The following PTPRB variants were observed in gnomAD, a reference collection of about 807,000 sequenced individuals.
PTPRB encodes protein tyrosine phosphatase receptor type B.
PTPRB carries 97 observed loss-of-function variants against 238.1 expected under a neutral mutation model. The observed-to-expected ratio is 0.41, with a 90% confidence interval of 0.35 to 0.48. The LOEUF (loss-of-function observed/expected upper bound fraction) is 0.48. Among genes scored for constraint, PTPRB ranks in the 20% least tolerant of loss-of-function variants. PTPRB has a pLI of 0.30. For synonymous variants in PTPRB, 970 were observed against 995.4 expected (o/e 0.97, Z 0.48); for missense variants, 2,292 against 2,681.9 (o/e 0.85, Z 3.21).
At chr12:70,577,949 C>T (rs1233865869) in intron 10 of PTPRB, among the ~76,000 whole-genome samples, 1 of 152,040 alleles carries the variant, frequency 6.6e-6, no homozygotes, top group South Asian at 2.1e-4. Context: ...GCCATCCAAC[C>T]ATCTATACAT....
At chr12:70,598,519 C>T (rs1592565949) in intron 4 of PTPRB, among the ~76,000 whole-genome samples, 1 of 140,428 alleles carries the variant, frequency 7.1e-6, no homozygotes, top group South Asian at 2.3e-4. Flanking sequence ...TCTAAGCCTC[C>T]ACTTTCCTAT....
intron 4 of PTPRB, among the ~76,000 whole-genome samples, chr12:70,607,071 A>T (rs908715484): frequency 1.3e-5 from 2 of 152,224 alleles, no homozygotes; most frequent in African/African-American, 4.8e-5. Context: ...ATAAAATGCA[A>T]GTATTTCTTA....
intron 2 of PTPRB, among the ~76,000 whole-genome samples, chr12:70,630,005 C>T (rs1885375443): frequency 6.6e-6 from 1 of 152,154 alleles, no homozygotes; most frequent in Non-Finnish European, 1.5e-5. Context: ...CAGCCGAATT[C>T]TACCAGAGGT....
chr12:70,622,953 G>A (rs910120477), intron 2 of PTPRB, among the ~76,000 whole-genome samples: 6 of 151,402 alleles, frequency 4.0e-5, no homozygotes, highest in African/African-American at 1.5e-4. Flanking sequence ...GAATTTAGGG[G>A]GGGGGTCACT....
intron 4 of PTPRB, among the ~76,000 whole-genome samples, chr12:70,606,636 C>T (rs1231482693): frequency 1.3e-5 from 2 of 152,158 alleles, no homozygotes; most frequent in Non-Finnish European, 2.9e-5. Flanking sequence ...GAATATTATA[C>T]TAGTTGGCAT....
At chr12:70,555,361 C>A in intron 19 of PTPRB, 52 bp from the exon 20 acceptor site, 1 of 1,512,262 alleles carries the variant, frequency 6.6e-7, no homozygotes, top group Non-Finnish European at 9.0e-7. Flanking sequence ...TCTGCTTTCA[C>A]AGCATAAACA....
intron 31 of PTPRB, 98 bp from the exon 32 acceptor site, chr12:70,532,268 A>ATAACTGGGAAGG: frequency 7.3e-7 from 1 of 1,378,494 alleles, no homozygotes; most frequent in Non-Finnish European, 9.8e-7. Context: ...TTCCCTTCCC[A>ATAACTGGGAAGG]GTTATGGGAG....
intron 7 of PTPRB, among the ~76,000 whole-genome samples, chr12:70,591,164 T>C (rs543683664): frequency 6.6e-6 from 1 of 151,240 alleles, no homozygotes; most frequent in South Asian, 2.1e-4. Context: ...CTCAAACTCC[T>C]GGGCTCAAGC....
intron 33 of PTPRB, among the ~76,000 whole-genome samples, chr12:70,524,100 A>AATC (rs1871987002): frequency 6.6e-6 from 1 of 150,926 alleles, no homozygotes; most frequent in African/African-American, 2.4e-5. Context: ...ACTCAGCTAG[A>AATC]ATCTTTTCTT....
chr12:70,587,571 A>T (rs1435913141), intron 8 of PTPRB, among the ~76,000 whole-genome samples: 1 of 152,142 alleles, frequency 6.6e-6, no homozygotes, highest in Non-Finnish European at 1.5e-5. Flanking sequence ...CAATCTTGTC[A>T]TTCACAAAAT....
At chr12:70,577,719 A>G (rs543085227) in intron 10 of PTPRB, among the ~76,000 whole-genome samples, 63 of 152,286 alleles carry the variant, frequency 4.1e-4, no homozygotes, top group African/African-American at 1.5e-3. Context: ...TTGTGAATTA[A>G]GCCCCAAAGC....
chr12:70,554,474 C>A (rs1476042757), intron 20 of PTPRB, among the ~76,000 whole-genome samples: 1 of 152,118 alleles, frequency 6.6e-6, no homozygotes, highest in Non-Finnish European at 1.5e-5. Context: ...GGTGGTTTGA[C>A]AAATGCTGAT....
At chr12:70,559,838 CACTTTTTTTTTTTT>C (rs1335014915) in intron 17 of PTPRB, among the ~76,000 whole-genome samples, 1 of 61,014 alleles carries the variant, frequency 1.6e-5, no homozygotes, top group East Asian at 4.0e-4. Flanking sequence ...TTTTTTTTTT[CACTTTTTTTTTTTT>C]GAGACAGAGT....
At chr12:70,570,071 G>C (rs1386066706) in intron 13 of PTPRB, 133 bp from the exon 14 acceptor site, 4 of 865,538 alleles carry the variant, frequency 4.6e-6, no homozygotes, top group Non-Finnish European at 7.0e-6. Flanking sequence ...GTAACAATTT[G>C]CCACTTTTCT....
At position 70,596,330 on chromosome 12, in the gene PTPRB, G is replaced by A; in HGVS notation, c.980-3C>T. 6.7e-7 allele frequency: 1 copy of A among 1,488,446 alleles called. No homozygotes were observed. Among genetic ancestry groups the A allele is most frequent in the South Asian group, 1.4e-5 (1 of 72,976 alleles). The allele number at this position is 1,488,446 out of a possible 1,614,324, so 92.2% of individuals were successfully genotyped here. A position where few individuals can be genotyped will look rare whatever the true frequency, so the allele number is the denominator to read the frequency against. The stretch of plus-strand genomic sequence containing the variant: ...AAACCTAGCAGGAGGTAAAGGATCT[G>A]CAAGGCAAATACACACACACACACA... On this transcript the variant is annotated splice_polypyrimidine_tract_variant and splice_region_variant and intron_variant, in intron 4 of 33. Coordinates refer to ENST00000334414, the MANE Select transcript of PTPRB (RefSeq NM_001109754.4).
intron 29 of PTPRB, 66 bp from the exon 30 acceptor site, chr12:70,535,021 CCCT>C: frequency 3.9e-6 from 6 of 1,541,288 alleles, no homozygotes; most frequent in Non-Finnish European, 4.4e-6. Flanking sequence ...CCTGGGGTTT[CCCT>C]CCTCTAAATG....
At chr12:70,569,433 C>T (rs1002550028) in intron 14 of PTPRB, among the ~76,000 whole-genome samples, 11 of 152,112 alleles carry the variant, frequency 7.2e-5, no homozygotes, top group Admixed American at 5.2e-4. Context: ...TTTTATTATC[C>T]TTTAGCAAGT....
chr12:70,538,332 TGGG>T, intron 27 of PTPRB, 101 bp from the exon 28 acceptor site: 1 of 944,436 alleles, frequency 1.1e-6, no homozygotes, highest in Non-Finnish European at 1.6e-6. Context: ...CAGCCACAGA[TGGG>T]AAGTGATCTT....
At chr12:70,595,909 C>T (rs543743702) in intron 5 of PTPRB, 140 bp downstream of exon 5, 5 of 831,040 alleles carry the variant, frequency 6.0e-6, no homozygotes, top group Non-Finnish European at 8.8e-6. Context: ...CTGTATCCCA[C>T]AAGCTCCTTT....
Sources: gnomAD v4.1 joint callset for allele counts (sites outside exome capture counted in the v4.1 genomes callset) on GRCh38, gnomAD v4.1.1 for gene constraint, MANE v1.5 for transcripts, NCBI Gene and HGNC (gene_info 2026-07-23, HGNC 2026-07-21) for gene names.